Variants in MYCBP2 observed in about 807,000 individuals in gnomAD.
The protein encoded by MYCBP2 is MYC binding protein 2.
MYCBP2 carries 120 observed loss-of-function variants against 525.3 expected under a neutral mutation model. That is an observed-to-expected ratio of 0.23 (90% CI 0.20 to 0.27). The LOEUF (loss-of-function observed/expected upper bound fraction) is 0.27. Among genes scored for constraint, MYCBP2 ranks in the 10% least tolerant of loss-of-function variants. The pLI, the probability that MYCBP2 is intolerant of heterozygous loss-of-function variation, is 1.00. For missense variants in MYCBP2, 4,149 were observed against 5,657.1 expected (o/e 0.73, Z 8.55); for synonymous variants, 1,894 against 1,955.8 (o/e 0.97, Z 0.83).
intron 82 of MYCBP2, among the ~76,000 whole-genome samples, chr13:77,047,851 C>T (rs542764834): frequency 1.3e-5 from 2 of 152,244 alleles, no homozygotes; most frequent in Admixed American, 6.5e-5. Context: ...CAAGACAGCC[C>T]ACAGACTAAG....
Position 77,251,168 on chromosome 13 carries a change from T to C in MYCBP2, c.2364A>G (p.Pro788=). The change falls in exon 15 of 83, where the codon CCA becomes CCG. Residue 788 remains proline (P), a synonymous_variant. Coordinates refer to ENST00000544440, the MANE Select transcript of MYCBP2 (RefSeq NM_015057.5). ...YGASCVSSGR[P]DRVPGGICGC... ...TCTCTTACCCTCCGGGGACTCTGTC[T>C]GGCCGTCCACTACTGACACAGCTGG... 6.2e-7 allele frequency: 1 copy of C among 1,614,114 alleles called. No homozygotes were observed. Among genetic ancestry groups the C allele is most frequent in the Non-Finnish European group, 8.5e-7 (1 of 1,180,048 alleles).
rs147877804 is a variant in MYCBP2, at chr13:77,134,302, G to A, written c.7659+4894C>T. On this transcript the variant is annotated intron_variant, in intron 52 of 82. Transcript: ENST00000544440. ...CCCAGCACTGTGGGAAGCCAAGGTA[G>A]GTGGATCACTTGAGGCCAGGAGTTC... is the stretch of plus-strand genomic sequence containing the variant. Among the ~76,000 whole-genome samples the A allele has an allele frequency of 2.1e-3, 326 of 152,232 alleles. 1 individual carries two copies. The highest frequency in any genetic ancestry group is 3.4e-3 in the Middle Eastern group (1 of 294).
At chr13:77,302,998 A>G (rs1422012596) in intron 1 of MYCBP2, among the ~76,000 whole-genome samples, 1 of 152,222 alleles carries the variant, frequency 6.6e-6, no homozygotes, top group Non-Finnish European at 1.5e-5. Flanking sequence ...AACTGATAGA[A>G]CAAGTAGAGA....
chr13:77,260,306 A>G lies in MYCBP2; in HGVS notation c.2017+122T>C, dbSNP rs1594423547. 4 of 668,778 alleles carry G rather than the reference A, an allele frequency of 6.0e-6. No individual in the cohort carries two copies. The South Asian group carries it at 1.1e-4, about 19-fold the overall frequency. 41.4% of individuals were successfully genotyped at this position (668,778 alleles called of 1,614,324 possible). ...CTCTTTCGAAATATTTCACATTTGG[A>G]AGGAAATGTAAAAAATGTAGAGAAA... On this transcript the variant is annotated intron_variant, in intron 13 of 82. Coordinates refer to ENST00000544440, the MANE Select transcript of MYCBP2 (RefSeq NM_015057.5).
At chr13:77,322,212 C>T (rs975879782) in intron 1 of MYCBP2, among the ~76,000 whole-genome samples, 1 of 152,182 alleles carries the variant, frequency 6.6e-6, no homozygotes, top group African/African-American at 2.4e-5. Flanking sequence ...ACCAAAATCC[C>T]ATGCATCTGA....
rs903577749 is a variant in MYCBP2, at chr13:77,179,540, T to C, written c.5133+587A>G. 2.0e-5 allele frequency among the ~76,000 whole-genome samples: 3 copies of C among 152,354 alleles called. No homozygotes were observed. The South Asian group carries it at 6.2e-4, about 32-fold the overall frequency. ...ATTTGAGACTTTGAAAACTTTGTGA[T>C]AATGTACAACTAAGTACAACAAAGT... is the stretch of plus-strand genomic sequence containing the variant. On this transcript the variant is annotated intron_variant, in intron 34 of 82. Coordinates refer to ENST00000544440, the MANE Select transcript of MYCBP2 (RefSeq NM_015057.5).
At chr13:77,111,910 C>T (rs2048890932) in intron 55 of MYCBP2, among the ~76,000 whole-genome samples, 1 of 152,088 alleles carries the variant, frequency 6.6e-6, no homozygotes, top group Non-Finnish European at 1.5e-5. Context: ...GCTTACAAGA[C>T]CCTTCATGAT....
chr13:77,128,487 C>G lies in MYCBP2; in HGVS notation c.7660-1945G>C, dbSNP rs987976409. On this transcript the variant is annotated intron_variant, in intron 52 of 82. Transcript: ENST00000544440. ...TAACACTGGGAGTTAAGCCTTGGCA[C>G]AACTAATTATAATTGCAAACTAGTC... Among the ~76,000 whole-genome samples, 24 of 151,862 alleles carry G rather than the reference C, an allele frequency of 1.6e-4. No homozygotes were observed. The South Asian group carries it at 2.1e-3, about 13-fold the overall frequency.
At chr13:77,218,956 T>C (rs1348285642) in intron 20 of MYCBP2, among the ~76,000 whole-genome samples, 2 of 152,182 alleles carry the variant, frequency 1.3e-5, no homozygotes, top group East Asian at 1.9e-4. Flanking sequence ...GTGACTTTGA[T>C]AGCTATGTAA....
intron 11 of MYCBP2, 37 bp downstream of exon 11, chr13:77,262,016 G>A: frequency 6.6e-7 from 1 of 1,524,102 alleles, no homozygotes; most frequent in Non-Finnish European, 9.1e-7. Context: ...TCTTAAATCA[G>A]AGAATGCTCA....
chr13:77,285,101 T>C (rs981900824), intron 3 of MYCBP2, among the ~76,000 whole-genome samples: 69 of 152,328 alleles, frequency 4.5e-4, no homozygotes, highest in Non-Finnish European at 9.9e-4. Context: ...ATCTTAAGAA[T>C]GCCTGATATT....
chr13:77,138,481 C>G (rs1353723738), intron 52 of MYCBP2, among the ~76,000 whole-genome samples: 2 of 152,076 alleles, frequency 1.3e-5, no homozygotes, highest in Non-Finnish European at 2.9e-5. Flanking sequence ...TAAAATTTTA[C>G]CCGTGCTATT....
At chr13:77,226,873 T>C (rs2066356026) in intron 18 of MYCBP2, among the ~76,000 whole-genome samples, 1 of 152,108 alleles carries the variant, frequency 6.6e-6, no homozygotes. Flanking sequence ...AACGTCTTAA[T>C]CATACAGAAC....
chr13:77,067,518 T>C, intron 71 of MYCBP2, 63 bp downstream of exon 71: 2 of 1,518,304 alleles, frequency 1.3e-6, no homozygotes, highest in Non-Finnish European at 1.8e-6. Context: ...AATTATGTCT[T>C]AAATTTCTGA....
intron 56 of MYCBP2, 114 bp downstream of exon 56, chr13:77,097,256 T>G: frequency 7.2e-7 from 1 of 1,390,284 alleles, no homozygotes; most frequent in Non-Finnish European, 9.6e-7. Context: ...AATGACATTC[T>G]AAGATACTAT....
At position 77,096,415 on chromosome 13, in the gene MYCBP2, C is replaced by T; in HGVS notation, c.9851G>A (p.Gly3284Asp). ...SIGHFCGGWA[G>D]NCGDGGIGGS... is the part of the protein sequence containing the mutation. ...TCCTATGCCACCATCACCACAGTTA[C>T]CAGCCCATCCTCCACAAAAATGCCC... Residue 3284 changes from glycine to aspartate, a missense_variant, in exon 57 of 83, where the codon GGT (glycine) becomes GAT (aspartate). Coordinates refer to ENST00000544440, the MANE Select transcript of MYCBP2 (RefSeq NM_015057.5). The T allele has an allele frequency of 6.2e-7, 1 of 1,613,434 alleles. No homozygotes were observed. The highest frequency in any genetic ancestry group is 8.5e-7 in the Non-Finnish European group (1 of 1,179,622).
chr13:77,173,087 C>T (rs975424591), intron 37 of MYCBP2, among the ~76,000 whole-genome samples: 6 of 152,216 alleles, frequency 3.9e-5, no homozygotes, highest in South Asian at 2.1e-4. Context: ...AAGAGAGACC[C>T]GGAGTCCAGG....
Position 77,075,679 on chromosome 13 carries a change from G to T in MYCBP2, c.11823+1072C>A, listed in dbSNP as rs957294834. On this transcript the variant is annotated intron_variant, in intron 68 of 82. Coordinates refer to ENST00000544440, the MANE Select transcript of MYCBP2 (RefSeq NM_015057.5). ...TATCTTTGTTGATTTCTTTTTGGGG[G>T]GGGTGAGGGGAATGCAGAGGGTTCA... The T allele has an allele frequency of 3.3e-5, 5 of 152,172 alleles. No individual in the cohort carries two copies. The South Asian group carries it at 1.0e-3, about 32-fold the overall frequency. 9.4% of individuals were successfully genotyped at this position (152,172 alleles called of 1,614,324 possible).
At chr13:77,089,073 C>T in intron 60 of MYCBP2, 42 bp from the exon 61 acceptor site, 2 of 1,398,820 alleles carry the variant, frequency 1.4e-6, no homozygotes, top group Non-Finnish European at 2.0e-6. Context: ...ATAGGCAGTG[C>T]ATATATATTT....
Sources: allele counts gnomAD v4.1 joint callset (sites outside exome capture counted in the v4.1 genomes callset), GRCh38; gene constraint gnomAD v4.1.1; transcripts MANE v1.5; gene names NCBI Gene and HGNC (gene_info 2026-07-23, HGNC 2026-07-21).